ABTB3: variants seen among roughly 807,000 people sequenced by gnomAD.
ABTB3 encodes ankyrin repeat- and BTB/POZ domain-containing protein 3.
chr12:107,329,602 A>G, the ABTB3 span, among the ~76,000 whole-genome samples: 1 of 152,212 alleles, frequency 6.6e-6, no homozygotes, highest in African/African-American at 2.4e-5. Context: ...CAGTAAACAG[A>G]CTTCTGGAGT....
the ABTB3 span, chr12:107,581,194 G>A: frequency 6.5e-7 from 1 of 1,539,014 alleles, no homozygotes; most frequent in Non-Finnish European, 8.7e-7. Flanking sequence ...GGATCCGGGT[G>A]GCCGTGGCGC....
chr12:107,410,639 C>G, the ABTB3 span, among the ~76,000 whole-genome samples: 1 of 151,984 alleles, frequency 6.6e-6, no homozygotes, highest in African/African-American at 2.4e-5. Flanking sequence ...AGGACTTGGA[C>G]AGATTTTGAA....
chr12:107,410,053 G>A, the ABTB3 span, among the ~76,000 whole-genome samples: 5 of 151,990 alleles, frequency 3.3e-5, no homozygotes, highest in African/African-American at 1.2e-4. Flanking sequence ...CCCAGCTGAG[G>A]TTCCAGCATC....
chr12:107,330,729 G>A, the ABTB3 span, among the ~76,000 whole-genome samples: 2 of 152,180 alleles, frequency 1.3e-5, no homozygotes, highest in Non-Finnish European at 2.9e-5. Context: ...AAGCATAGTG[G>A]GATGAAAGCC....
chr12:107,319,493 G>T, the ABTB3 span: 1 of 1,592,888 alleles, frequency 6.3e-7, no homozygotes, highest in Non-Finnish European at 8.5e-7. Flanking sequence ...TGCGCTGGCC[G>T]CACTGTCCCT....
chr12:107,603,829 A>G, the ABTB3 span, among the ~76,000 whole-genome samples: 1 of 152,218 alleles, frequency 6.6e-6, no homozygotes, highest in Non-Finnish European at 1.5e-5. Context: ...TATCCAAAAT[A>G]TATCAGGAAC....
the ABTB3 span, chr12:107,618,381 C>T: frequency 5.0e-6 from 8 of 1,609,096 alleles, no homozygotes; most frequent in Admixed American, 1.3e-4. Flanking sequence ...GAGCATAGGT[C>T]AGTCTGGGCA....
chr12:107,342,600 C>T, the ABTB3 span, among the ~76,000 whole-genome samples: 1 of 152,126 alleles, frequency 6.6e-6, no homozygotes, highest in Non-Finnish European at 1.5e-5. Context: ...TTATTATTGT[C>T]CTATTGACTG....
chr12:107,610,344 A>G, the ABTB3 span: 26 of 1,614,018 alleles, frequency 1.6e-5, no homozygotes, highest in African/African-American at 6.7e-5. Flanking sequence ...GATCAACACC[A>G]TGAGCGAACA....
the ABTB3 span, among the ~76,000 whole-genome samples, chr12:107,429,633 C>T: frequency 6.6e-6 from 1 of 152,208 alleles, no homozygotes; most frequent in South Asian, 2.1e-4. Context: ...ATGGTGGGTT[C>T]TGAGAGGTTT....
the ABTB3 span, among the ~76,000 whole-genome samples, chr12:107,485,927 A>G: frequency 2.6e-5 from 4 of 152,250 alleles, no homozygotes; most frequent in African/African-American, 7.2e-5. Context: ...CATTAACTGT[A>G]GAGAGCAGAG....
At chr12:107,457,302 T>C in the ABTB3 span, among the ~76,000 whole-genome samples, 2 of 152,204 alleles carry the variant, frequency 1.3e-5, no homozygotes, top group African/African-American at 2.4e-5. Flanking sequence ...TGTGGAACTT[T>C]GAGATATGGC....
the ABTB3 span, among the ~76,000 whole-genome samples, chr12:107,520,948 T>A: frequency 6.6e-6 from 1 of 152,098 alleles, no homozygotes; most frequent in Non-Finnish European, 1.5e-5. Flanking sequence ...GTTGCGGTGA[T>A]TCAATGAGCT....
the ABTB3 span, chr12:107,543,852 G>T: frequency 5.4e-6 from 7 of 1,298,088 alleles, no homozygotes; most frequent in Non-Finnish European, 5.3e-6. Context: ...GCAAGGACCA[G>T]GGTCTCCACA....
chr12:107,347,298 A>G, the ABTB3 span, among the ~76,000 whole-genome samples: 1 of 152,200 alleles, frequency 6.6e-6, no homozygotes, highest in African/African-American at 2.4e-5. Context: ...TATGAGATAT[A>G]AATATAAATA....
At chr12:107,352,653 C>T in the ABTB3 span, among the ~76,000 whole-genome samples, 3 of 152,170 alleles carry the variant, frequency 2.0e-5, no homozygotes, top group East Asian at 5.8e-4. Context: ...TATCAGGGAG[C>T]CTTAAGAGCT....
At chr12:107,630,387 G>C in the ABTB3 span, among the ~76,000 whole-genome samples, 1 of 151,142 alleles carries the variant, frequency 6.6e-6, no homozygotes, top group Non-Finnish European at 1.5e-5. Context: ...GGAGCCCCCT[G>C]ATGTTCAGTT....
At chr12:107,563,988 T>C in the ABTB3 span, among the ~76,000 whole-genome samples, 1 of 152,052 alleles carries the variant, frequency 6.6e-6, no homozygotes, top group Admixed American at 6.6e-5. Flanking sequence ...CTGGCAGCAA[T>C]GTGAAAGGAT....
the ABTB3 span, among the ~76,000 whole-genome samples, chr12:107,469,916 T>C: frequency 2.0e-4 from 22 of 110,670 alleles, no homozygotes; most frequent in East Asian, 1.1e-3. Context: ...CTTTCTTTCT[T>C]TCTTTCTCTC....
Sources: gnomAD v4.1 joint callset for allele counts (sites outside exome capture counted in the v4.1 genomes callset) on GRCh38, gnomAD v4.1.1 for gene constraint, MANE v1.5 for transcripts, NCBI Gene and HGNC (gene_info 2026-07-23, HGNC 2026-07-21) for gene names.